Variants in EDIL3 observed in about 807,000 individuals in gnomAD.
EDIL3 encodes EGF-like repeat and discoidin I-like domain-containing protein 3.
Under a neutral mutation model 67.4 loss-of-function variants are expected in EDIL3, and 37 were observed. The observed-to-expected ratio is 0.55, with a 90% CI of 0.42 to 0.72. The LOEUF is 0.72. Among genes scored for constraint, EDIL3 ranks in the 30% least tolerant of loss-of-function variants. The pLI is 0.00. For synonymous variants in EDIL3, 195 were observed against 196.3 expected, an observed-to-expected ratio of 0.99 and a Z score of 0.05; for missense variants, 527 against 586.3, an observed-to-expected ratio of 0.90 and a Z score of 1.04.
In EDIL3 at chr5:84,153,752, C is replaced by T. The variant is rs140552947; in HGVS notation, c.356-16398G>A. The stretch of plus-strand genomic sequence containing the variant: ...TGCTGCGATTACAGGAGTGAGCCAC[C>T]GCACCCGGCCTTGTTATTATTTTTA... On this transcript the variant is annotated intron_variant, in intron 4 of 10. Coordinates refer to ENST00000296591, the MANE Select transcript of EDIL3 (RefSeq NM_005711.5). 3.6e-3 allele frequency among the ~76,000 whole-genome samples: 553 copies of T among 152,262 alleles called. 5 individuals are homozygous for T. Among genetic ancestry groups the T allele is most frequent in the African/African-American group, 0.012 (493 of 41,546 alleles).
At chr5:84,365,656 A>T (rs747149425) in intron 1 of EDIL3, among the ~76,000 whole-genome samples, 1 of 152,158 alleles carries the variant, frequency 6.6e-6, no homozygotes, top group Non-Finnish European at 1.5e-5. Flanking sequence ...TAATAAAAAC[A>T]TATATCATAT....
intron 1 of EDIL3, among the ~76,000 whole-genome samples, chr5:84,330,564 T>C (rs1746851106): frequency 6.6e-6 from 1 of 152,210 alleles, no homozygotes; most frequent in Non-Finnish European, 1.5e-5. Flanking sequence ...AAACATTACC[T>C]TGATGAAGGT....
chr5:84,305,707 G>A (rs1161050115), intron 1 of EDIL3, among the ~76,000 whole-genome samples: 3 of 151,978 alleles, frequency 2.0e-5, no homozygotes, highest in African/African-American at 7.2e-5. Context: ...GTGAAACCCC[G>A]TCTCTATTAA....
At chr5:84,240,213 A>G (rs945402278) in intron 2 of EDIL3, among the ~76,000 whole-genome samples, 1 of 152,242 alleles carries the variant, frequency 6.6e-6, no homozygotes, top group African/African-American at 2.4e-5. Context: ...TGTAATAGAA[A>G]AATGTACAAT....
intron 10 of EDIL3, among the ~76,000 whole-genome samples, chr5:83,952,209 A>C (rs1744435266): frequency 1.3e-5 from 2 of 151,816 alleles, no homozygotes; most frequent in South Asian, 4.1e-4. Context: ...AAAAGAGTCC[A>C]TCCTCCTTGA....
At chr5:84,371,696 A>G (rs936467942) in intron 1 of EDIL3, among the ~76,000 whole-genome samples, 2 of 151,884 alleles carry the variant, frequency 1.3e-5, no homozygotes, top group African/African-American at 4.8e-5. Context: ...CATATCTCAT[A>G]TAATAGAAGT....
chr5:84,254,028 C>A, intron 2 of EDIL3, 56 bp downstream of exon 2: 1 of 1,521,492 alleles, frequency 6.6e-7, no homozygotes, highest in South Asian at 1.4e-5. Context: ...GCCAAACTGC[C>A]ATTTATTCAT....
At chr5:84,335,362 T>C (rs1746964298) in intron 1 of EDIL3, among the ~76,000 whole-genome samples, 2 of 152,198 alleles carry the variant, frequency 1.3e-5, no homozygotes, top group African/African-American at 4.8e-5. Flanking sequence ...CTCTTATCAC[T>C]AGAATCTCCT....
At chr5:84,071,139 G>A (rs1746733970) in intron 6 of EDIL3, among the ~76,000 whole-genome samples, 1 of 152,150 alleles carries the variant, frequency 6.6e-6, no homozygotes, top group African/African-American at 2.4e-5. Context: ...AAATCAGAGT[G>A]ATGAGGTCCT....
chr5:83,992,177 C>A (rs949279302), intron 9 of EDIL3, among the ~76,000 whole-genome samples: 1 of 152,090 alleles, frequency 6.6e-6, no homozygotes, highest in African/African-American at 2.4e-5. Flanking sequence ...AGGTGGAATT[C>A]CCACAATGGA....
At chr5:84,229,912 G>C in intron 2 of EDIL3, 28 bp from the exon 3 acceptor site, 2 of 1,599,636 alleles carry the variant, frequency 1.3e-6, no homozygotes, top group Non-Finnish European at 1.7e-6. Flanking sequence ...GGTGAAATGG[G>C]GGTGGGGTAG....
chr5:84,327,293 A>AT (rs1290961107), intron 1 of EDIL3, among the ~76,000 whole-genome samples: 1 of 151,648 alleles, frequency 6.6e-6, no homozygotes, highest in Admixed American at 6.6e-5. Flanking sequence ...CCTACTGTTC[A>AT]TTTTTTCAGC....
At chr5:84,037,180 A>T (rs1414236029) in intron 9 of EDIL3, among the ~76,000 whole-genome samples, 1 of 152,008 alleles carries the variant, frequency 6.6e-6, no homozygotes, top group East Asian at 1.9e-4. Context: ...AGTGACCCAC[A>T]CTCACTCATT....
rs545086722 is a variant in EDIL3, at chr5:84,200,332, T to C, written c.227-19811A>G. The stretch of plus-strand genomic sequence containing the variant: ...TTTAAATTTTCTTAGGGGTCAATCA[T>C]GACTATATGTAAAGAGTTTAAGCAA... On this transcript the variant is annotated intron_variant, in intron 3 of 10. Coordinates refer to ENST00000296591, the MANE Select transcript of EDIL3 (RefSeq NM_005711.5). Among the ~76,000 whole-genome samples the C allele has an allele frequency of 3.2e-4, 49 of 152,136 alleles. No homozygotes were observed. In the South Asian group the frequency reaches 0.01, roughly 31 times the overall value.
chr5:84,376,801 T>C (rs1309063145), intron 1 of EDIL3, among the ~76,000 whole-genome samples: 1 of 152,214 alleles, frequency 6.6e-6, no homozygotes, highest in Non-Finnish European at 1.5e-5. Context: ...TTTTGCCTGG[T>C]ACTATTCTAA....
intron 6 of EDIL3, among the ~76,000 whole-genome samples, chr5:84,076,233 A>T (rs1254044872): frequency 6.6e-6 from 1 of 152,072 alleles, no homozygotes; most frequent in Non-Finnish European, 1.5e-5. Context: ...TTTGGTTGCA[A>T]TATAGGAAGA....
intron 6 of EDIL3, among the ~76,000 whole-genome samples, chr5:84,092,816 A>G (rs1010183438): frequency 3.3e-5 from 5 of 152,156 alleles, no homozygotes; most frequent in South Asian, 4.1e-4. Flanking sequence ...AAAAACAAAC[A>G]AACAAAAAAC....
intron 6 of EDIL3, among the ~76,000 whole-genome samples, chr5:84,067,312 A>T (rs961932490): frequency 6.6e-6 from 1 of 152,148 alleles, no homozygotes; most frequent in African/African-American, 2.4e-5. Flanking sequence ...ATCAAATAAA[A>T]TTGTTAATAT....
intron 5 of EDIL3, among the ~76,000 whole-genome samples, chr5:84,118,823 G>A (rs986444366): frequency 6.6e-6 from 1 of 152,068 alleles, no homozygotes; most frequent in Non-Finnish European, 1.5e-5. Flanking sequence ...AAATTCCAAT[G>A]CCAGGCCACA....
Sources: allele counts gnomAD v4.1 joint callset (sites outside exome capture counted in the v4.1 genomes callset), GRCh38; gene constraint gnomAD v4.1.1; transcripts MANE v1.5; gene names NCBI Gene and HGNC (gene_info 2026-07-23, HGNC 2026-07-21).